Variants in ABTB3 observed in about 807,000 individuals in gnomAD.
ABTB3 encodes the protein ankyrin repeat- and BTB/POZ domain-containing protein 3.
At chr12:107,417,697 C>A in the ABTB3 span, among the ~76,000 whole-genome samples, 45 of 152,374 alleles carry the variant, frequency 3.0e-4, 1 homozygote, top group South Asian at 2.5e-3. Context: ...CCATCAACAG[C>A]AGATACTCTC....
chr12:107,609,953 G>A, the ABTB3 span: 348 of 527,718 alleles, frequency 6.6e-4, no homozygotes, highest in Non-Finnish European at 1.0e-3. Flanking sequence ...CGTATTAGTC[G>A]TTATGTGACT....
At chr12:107,618,038 G>A in the ABTB3 span, 1 of 878,456 alleles carries the variant, frequency 1.1e-6, no homozygotes, top group Non-Finnish European at 1.7e-6. Flanking sequence ...GCCACCCATT[G>A]ATCTTGTCAT....
At chr12:107,404,917 C>T in the ABTB3 span, among the ~76,000 whole-genome samples, 1 of 152,198 alleles carries the variant, frequency 6.6e-6, no homozygotes, top group African/African-American at 2.4e-5. Context: ...ACAGGGAAGG[C>T]ACTATTAATA....
chr12:107,500,044 C>T, the ABTB3 span, among the ~76,000 whole-genome samples: 1 of 152,124 alleles, frequency 6.6e-6, no homozygotes, highest in African/African-American at 2.4e-5. Context: ...ATGAGAACAG[C>T]ATGGGAGAAA....
the ABTB3 span, chr12:107,612,800 T>C: frequency 1.5e-5 from 25 of 1,613,534 alleles, no homozygotes; most frequent in African/African-American, 2.3e-4. Flanking sequence ...CCCTGATGTA[T>C]GCCTGCGTCC....
chr12:107,389,838 GTGTGTGTT>G, the ABTB3 span, among the ~76,000 whole-genome samples: 4,487 of 73,122 alleles, frequency 0.061, 81 homozygotes, highest in Middle Eastern at 0.12. Flanking sequence ...TGGGGCATGT[GTGTGTGTT>G]TGTGTGTGTG....
At chr12:107,510,111 T>C in the ABTB3 span, among the ~76,000 whole-genome samples, 1 of 152,158 alleles carries the variant, frequency 6.6e-6, no homozygotes, top group Non-Finnish European at 1.5e-5. Context: ...AAGGTGGGAA[T>C]CTGAACCCGG....
chr12:107,346,620 TG>T, the ABTB3 span, among the ~76,000 whole-genome samples: 1 of 152,136 alleles, frequency 6.6e-6, no homozygotes, highest in Non-Finnish European at 1.5e-5. Context: ...GCACCACGCC[TG>T]GCTAATTTTC....
chr12:107,658,810 G>A, the ABTB3 span: 401 of 152,706 alleles, frequency 2.6e-3, 1 homozygote, highest in Non-Finnish European at 4.2e-3. Flanking sequence ...CTCAGAAGAT[G>A]TTAATAGTTT....
At chr12:107,551,024 G>A in the ABTB3 span, among the ~76,000 whole-genome samples, 1 of 152,206 alleles carries the variant, frequency 6.6e-6, no homozygotes, top group East Asian at 1.9e-4. Flanking sequence ...CCACCCCAAT[G>A]TAAGGACTCC....
At chr12:107,427,823 G>A in the ABTB3 span, among the ~76,000 whole-genome samples, 1 of 152,184 alleles carries the variant, frequency 6.6e-6, no homozygotes, top group Non-Finnish European at 1.5e-5. Flanking sequence ...AAAATGGATT[G>A]AGCATTTGCC....
chr12:107,466,555 G>A, the ABTB3 span, among the ~76,000 whole-genome samples: 3 of 152,024 alleles, frequency 2.0e-5, no homozygotes. Context: ...TGGTTATTAT[G>A]TGAAAGAAAC....
the ABTB3 span, among the ~76,000 whole-genome samples, chr12:107,404,179 A>G: frequency 0.1 from 14,504 of 142,468 alleles, 1,578 homozygotes; most frequent in East Asian, 0.4. Flanking sequence ...AAAAAAAAAA[A>G]AAAAAAAAGG....
chr12:107,556,077 A>C, the ABTB3 span, among the ~76,000 whole-genome samples: 1 of 151,394 alleles, frequency 6.6e-6, no homozygotes, highest in Non-Finnish European at 1.5e-5. Flanking sequence ...CAAGAATCTT[A>C]TGAGTCTGTC....
chr12:107,352,830 A>G, the ABTB3 span, among the ~76,000 whole-genome samples: 1 of 152,046 alleles, frequency 6.6e-6, no homozygotes, highest in Admixed American at 6.5e-5. Context: ...GTTGGAGAGA[A>G]TGAGTGGGTT....
the ABTB3 span, among the ~76,000 whole-genome samples, chr12:107,325,844 T>G: frequency 2.0e-5 from 3 of 152,244 alleles, no homozygotes; most frequent in Non-Finnish European, 4.4e-5. Flanking sequence ...GTATAGCTTA[T>G]TATATGCCAG....
At chr12:107,431,290 A>T in the ABTB3 span, among the ~76,000 whole-genome samples, 1 of 152,230 alleles carries the variant, frequency 6.6e-6, no homozygotes, top group Non-Finnish European at 1.5e-5. Flanking sequence ...CACTCCCAGG[A>T]GGTCTGATAC....
chr12:107,429,099 G>A, the ABTB3 span, among the ~76,000 whole-genome samples: 1 of 152,240 alleles, frequency 6.6e-6, no homozygotes, highest in Non-Finnish European at 1.5e-5. Context: ...TGAGTGTGAA[G>A]GTTGGGGCTT....
chr12:107,324,638 C>T, the ABTB3 span, among the ~76,000 whole-genome samples: 14 of 152,032 alleles, frequency 9.2e-5, no homozygotes, highest in South Asian at 4.2e-4. Flanking sequence ...ATTTGTCAAA[C>T]GGGGTTTCAC....
Sources: gnomAD v4.1 joint callset for allele counts (sites outside exome capture counted in the v4.1 genomes callset) on GRCh38, gnomAD v4.1.1 for gene constraint, MANE v1.5 for transcripts, NCBI Gene and HGNC (gene_info 2026-07-23, HGNC 2026-07-21) for gene names.